Variants in PLEKHG5 observed in about 807,000 individuals in gnomAD.
PLEKHG5 encodes pleckstrin homology domain-containing family G member 5.
In PLEKHG5, 52 loss-of-function variants were observed where a neutral mutation model predicts 103.8. The ratio of observed to expected loss-of-function variants is 0.50; its 90% CI spans 0.40 to 0.63. The LOEUF (loss-of-function observed/expected upper bound fraction) is 0.63, where lower values mean the gene tolerates loss of function less well. Among genes scored for constraint, PLEKHG5 ranks in the 30% least tolerant of loss-of-function variants. The pLI is 0.00. For synonymous variants in PLEKHG5, 592 were observed against 575.5 expected, an observed-to-expected ratio of 1.03 and a Z score of -0.41; for missense variants, 1,205 against 1,347.6, an observed-to-expected ratio of 0.89 and a Z score of 1.66.
At chr1:6,497,322 A>C, upstream of PLEKHG5, 1 of 1,153,392 alleles carries the variant, frequency 8.7e-7, no homozygotes. This position sits in a 1 kb window ranked among gnomAD's most constrained non-coding sequence, Gnocchi z 6.1. Flanking sequence ...GCACTCACCC[A>C]TGGAGCAGGC....
intron 1 of PLEKHG5, among the ~76,000 whole-genome samples, chr1:6,504,959 C>T (rs1638269653): frequency 6.6e-6 from 1 of 152,192 alleles, no homozygotes; most frequent in Admixed American, 6.5e-5. Flanking sequence ...GTCACTCTCC[C>T]TGCCTCTGGC....
At chr1:6,469,836 A>C (rs1180532237) in intron 16 of PLEKHG5, among the ~76,000 whole-genome samples, 160 bp from the exon 17 acceptor site, 4 of 152,236 alleles carry the variant, frequency 2.6e-5, no homozygotes, top group African/African-American at 9.6e-5. Context: ...ATTCTCTTTC[A>C]CTGAGATGTA....
intron 1 of PLEKHG5, among the ~76,000 whole-genome samples, chr1:6,518,638 G>C (rs931038634): frequency 3.9e-5 from 6 of 151,920 alleles, no homozygotes; most frequent in Non-Finnish European, 7.4e-5. Flanking sequence ...CTTCCCGAGA[G>C]CTACAAAGAC....
upstream of PLEKHG5, chr1:6,496,872 CT>C: frequency 3.4e-6 from 4 of 1,162,816 alleles, no homozygotes; most frequent in Non-Finnish European, 4.6e-6. Context: ...GCTCAGTGAC[CT>C]TTTGGGGCCC....
At chr1:6,496,767 A>C (rs150000355), upstream of PLEKHG5, 858 of 552,404 alleles carry the variant, frequency 1.6e-3, no homozygotes, top group Non-Finnish European at 2.1e-3. Context: ...TGCAGTCCTC[A>C]GGGAAATTAT....
Position 6,469,376 on chromosome 1 carries a change from C to G in PLEKHG5, c.2008G>C (p.Ala670Pro), listed in dbSNP as rs1379194805. ...GTGTCCACCCAGCCACGGCACAAGG[C>G]CTGGCCACTGGCCTGGAACGTGTAG... ...GAYTFQASGQ[A>P]LCRGWVDTIY... Residue 670 changes from alanine (A) to proline (P), a missense_variant, in exon 18 of 21, where the codon GCC becomes CCC. Physicochemically the swap from Ala to Pro is conservative, Grantham distance 27. Coordinates refer to ENST00000377728, the MANE Select transcript of PLEKHG5 (RefSeq NM_020631.6). 6.2e-7 allele frequency: 1 copy of G among 1,614,070 alleles called. No homozygotes were observed. Among genetic ancestry groups the G allele is most frequent in the Non-Finnish European group, 8.5e-7 (1 of 1,180,054 alleles).
chr1:6,471,540 C>A lies in PLEKHG5; in HGVS notation c.1229G>T (p.Arg410Leu). Reference sequence around the variant, plus strand: ...GGGCTGTAGCAGCGCTCGCGTGCGCCGCGCCTTCTCCAGCACCGGCGCCAT... The same window carrying A: ...GGGCTGTAGCAGCGCTCGCGTGCGCAGCGCCTTCTCCAGCACCGGCGCCAT... Reference protein sequence around the residue: ...SVMAPVLEKARRTRALLQPGD... With the variant: ...SVMAPVLEKALRTRALLQPGD... Residue 410 changes from arginine to leucine, a missense_variant, in exon 12 of 21, where the codon CGG becomes CTG. By Grantham distance (102) the Arg-to-Leu change is moderately radical. Transcript: ENST00000377728. 1 of 1,608,874 alleles carries A rather than the reference C, an allele frequency of 6.2e-7. No individual in the cohort carries two copies. The highest frequency in any genetic ancestry group is 8.5e-7 in the Non-Finnish European group (1 of 1,178,454).
rs886066635 is a variant in PLEKHG5 at position 6,518,143 on chromosome 1, A to T, written c.-165+1302T>A. On this transcript the variant is annotated intron_variant, in intron 1 of 21. Coordinates refer to the PLEKHG5 transcript ENST00000377740. ...GAGACGGGGTTTCACCATGTTAGCCAGGATGGTCTTGATCTCCTGACCTTG... is the reference window on the plus strand; with the variant it reads ...GAGACGGGGTTTCACCATGTTAGCCTGGATGGTCTTGATCTCCTGACCTTG... Among the ~76,000 whole-genome samples the T allele has an allele frequency of 4.0e-5, 6 of 151,634 alleles. No homozygotes were observed. In the East Asian group the frequency reaches 9.9e-4, roughly 25 times the overall value.
At position 6,487,853 on chromosome 1, in the gene PLEKHG5, C is replaced by T. The variant is rs1457675925; in HGVS notation, c.-88+3784G>A. ...CGTCTGCATCTCACTGTGTCCTCGG[C>T]ACTTAGAACAGTCCTGGTGCACAGT... On this transcript the variant is annotated intron_variant, in intron 1 of 20. Coordinates refer to ENST00000377728, the MANE Select transcript of PLEKHG5 (RefSeq NM_020631.6). This position sits in a 1 kb window ranked among gnomAD's most constrained non-coding sequence, Gnocchi z 4.1. 6.6e-6 allele frequency among the ~76,000 whole-genome samples: 1 copy of T among 152,230 alleles called. No homozygotes were observed. Among genetic ancestry groups the T allele is most frequent in the Non-Finnish European group, 1.5e-5 (1 of 68,048 alleles).
At chr1:6,504,351 G>A (rs1206124753) in intron 1 of PLEKHG5, among the ~76,000 whole-genome samples, 1 of 151,978 alleles carries the variant, frequency 6.6e-6, no homozygotes, top group Non-Finnish European at 1.5e-5. Flanking sequence ...CAGCTGGGCC[G>A]CCCCTCTCAT....
intron 1 of PLEKHG5, among the ~76,000 whole-genome samples, chr1:6,516,303 T>A (rs1315946343): frequency 6.6e-6 from 1 of 152,108 alleles, no homozygotes; most frequent in Non-Finnish European, 1.5e-5. Context: ...ATCCAAAAGT[T>A]TGCTATTAGA....
chr1:6,469,104 A>T lies in PLEKHG5; in HGVS notation c.2187T>A (p.Thr729=). 6.2e-7 allele frequency: 1 copy of T among 1,612,930 alleles called. No individual in the cohort carries two copies. Residue 729 remains threonine, a synonymous_variant, in exon 19 of 21, where the codon ACT becomes ACA. Coordinates refer to ENST00000377728, the MANE Select transcript of PLEKHG5 (RefSeq NM_020631.6). The part of the protein sequence containing the change: ...EEEEEGEDSG[T]SAASSPTIMR... ...TGATGGTAGGGGAGCTGGCAGCTGA[A>T]GTGCCACTGTCCTCGCCTTCCTCCT...
upstream of PLEKHG5, among the ~76,000 whole-genome samples, chr1:6,494,078 A>G (rs941041130): frequency 7.1e-6 from 1 of 141,044 alleles, no homozygotes; most frequent in Non-Finnish European, 1.5e-5. Flanking sequence ...CACCCTCCCC[A>G]GTAGCTGGAA....
intron 9 of PLEKHG5, 46 bp downstream of exon 9, chr1:6,472,940 C>T (rs750219677): frequency 6.3e-7 from 1 of 1,582,114 alleles, no homozygotes; most frequent in Non-Finnish European, 8.7e-7. Context: ...CGAGGGCTGT[C>T]CTCCTTTCGG....
intron 2 of PLEKHG5, 56 bp downstream of exon 2, chr1:6,477,473 T>G: frequency 6.3e-7 from 1 of 1,585,944 alleles, no homozygotes; most frequent in Non-Finnish European, 8.6e-7. Flanking sequence ...CGACAGTTAC[T>G]GAAACACTGA....
intron 1 of PLEKHG5, among the ~76,000 whole-genome samples, chr1:6,504,726 C>G (rs1285452571): frequency 6.6e-6 from 1 of 152,104 alleles, no homozygotes; most frequent in East Asian, 1.9e-4. Flanking sequence ...CCCGCCACCA[C>G]GCCCAGCTAA....
At chr1:6,513,936 C>T (rs1335565847) in intron 1 of PLEKHG5, among the ~76,000 whole-genome samples, 1 of 152,236 alleles carries the variant, frequency 6.6e-6, no homozygotes, top group African/African-American at 2.4e-5. Flanking sequence ...GGTCTCAACC[C>T]ATCTTGGCAT....
At chr1:6,516,705 T>C (rs1638623206) in intron 1 of PLEKHG5, among the ~76,000 whole-genome samples, 1 of 151,450 alleles carries the variant, frequency 6.6e-6, no homozygotes, top group Non-Finnish European at 1.5e-5. Context: ...TATTGGCAAG[T>C]TTTTTGTACT....
intron 1 of PLEKHG5, among the ~76,000 whole-genome samples, chr1:6,519,268 C>A (rs1290119260): frequency 6.6e-6 from 1 of 152,196 alleles, no homozygotes; most frequent in Non-Finnish European, 1.5e-5. Context: ...GGGCTTAACT[C>A]ACTGATTAAT....
Sources: gnomAD v4.1 joint callset for allele counts (sites outside exome capture counted in the v4.1 genomes callset) on GRCh38, gnomAD v4.1.1 for gene constraint, Gnocchi (gnomAD v3.1) non-coding constraint, MANE v1.5 for transcripts, NCBI Gene and HGNC (gene_info 2026-07-23, HGNC 2026-07-21) for gene names.